Variants in NRXN3 observed in about 807,000 individuals in gnomAD.
The protein encoded by NRXN3 is neurexin III.
A neutral mutation model predicts 137.6 loss-of-function variants in NRXN3; 32 were observed. That is an observed-to-expected ratio of 0.23 (90% CI 0.18 to 0.31). The LOEUF (loss-of-function observed/expected upper bound fraction) is 0.31, where lower values mean the gene tolerates loss of function less well. Ranked by LOEUF, NRXN3 falls within the 10% of genes least tolerant of loss-of-function variation. NRXN3 has a pLI of 1.00. For synonymous variants in NRXN3, 798 were observed against 784.5 expected (o/e 1.02, Z -0.29); for missense variants, 1,574 against 2,062.5 (o/e 0.76, Z 4.59).
At chr14:79,704,230 C>A (rs17109778) in intron 19 of NRXN3, among the ~76,000 whole-genome samples, 1 of 152,090 alleles carries the variant, frequency 6.6e-6, no homozygotes, top group Non-Finnish European at 1.5e-5. Flanking sequence ...CATGGTTCTA[C>A]GATGACACAC....
intron 15 of NRXN3, among the ~76,000 whole-genome samples, chr14:79,180,823 C>A (rs564725843): frequency 6.6e-6 from 1 of 152,042 alleles, no homozygotes; most frequent in Non-Finnish European, 1.5e-5. Flanking sequence ...TGCCTCAGAC[C>A]TAATAATCTT....
intron 20 of NRXN3, among the ~76,000 whole-genome samples, chr14:79,842,106 C>G (rs1193387876): frequency 6.6e-6 from 1 of 152,222 alleles, no homozygotes; most frequent in African/African-American, 2.4e-5. Flanking sequence ...TTTCTTCTTT[C>G]AGCAGTGATC....
At chr14:78,615,967 C>T (rs540951475) in intron 4 of NRXN3, among the ~76,000 whole-genome samples, 4 of 152,182 alleles carry the variant, frequency 2.6e-5, no homozygotes, top group African/African-American at 7.2e-5. Flanking sequence ...CCAAACAAAA[C>T]AAAACAAATC....
intron 15 of NRXN3, among the ~76,000 whole-genome samples, chr14:79,143,330 C>A (rs2058990922): frequency 6.6e-6 from 1 of 152,166 alleles, no homozygotes; most frequent in Admixed American, 6.5e-5. Flanking sequence ...ATGTTGGCTC[C>A]TGTAAGCTTT....
intron 15 of NRXN3, among the ~76,000 whole-genome samples, chr14:79,026,258 C>T (rs2099597854): frequency 6.6e-6 from 1 of 152,112 alleles, no homozygotes; most frequent in East Asian, 1.9e-4. Flanking sequence ...AAATGGAATA[C>T]TGGAGTCAGA....
intron 4 of NRXN3, among the ~76,000 whole-genome samples, chr14:78,498,849 C>A (rs577202018): frequency 6.6e-6 from 1 of 151,846 alleles, no homozygotes; most frequent in African/African-American, 2.4e-5. Context: ...TCACCTTGAA[C>A]TCCTGGGTTC....
chr14:78,776,347 A>G (rs1324619024), intron 8 of NRXN3, among the ~76,000 whole-genome samples: 1 of 152,156 alleles, frequency 6.6e-6, no homozygotes, highest in East Asian at 1.9e-4. Context: ...CTGATTAAAT[A>G]CCTTCTTTGT....
At position 79,643,539 on chromosome 14, in the gene NRXN3, GA is replaced by G. The variant is rs1490259834; in HGVS notation, c.3445-20238del. Among the ~76,000 whole-genome samples, 8 of 135,160 alleles carry G rather than the reference GA, an allele frequency of 5.9e-5. 2 individuals carry two copies. The highest frequency in any genetic ancestry group is 1.2e-4 in the Non-Finnish European group (7 of 58,154). 88.7% of individuals were successfully genotyped at this position (135,160 alleles called of 152,430 possible). A position where few individuals can be genotyped will look rare whatever the true frequency, so the allele number is the denominator to read the frequency against. On this transcript the variant is annotated intron_variant, in intron 16 of 20. Coordinates refer to ENST00000335750, the MANE Select transcript of NRXN3 (RefSeq NM_001330195.2). ...ATGACTTCCTAATACCAACTGAAGA[GA>G]GTTTATATTTCTTAATACAACATTG...
At chr14:79,527,384 G>C (rs1226525297) in intron 16 of NRXN3, among the ~76,000 whole-genome samples, 1 of 151,194 alleles carries the variant, frequency 6.6e-6, no homozygotes, top group Non-Finnish European at 1.5e-5. Context: ...AGGCTTTCTA[G>C]AGGATCCCAA....
At chr14:79,755,329 G>C (rs186720712) in intron 19 of NRXN3, among the ~76,000 whole-genome samples, 44 of 151,832 alleles carry the variant, frequency 2.9e-4, no homozygotes, top group Non-Finnish European at 5.2e-4. Context: ...TGAATCTACG[G>C]TTTATATGAA....
intron 4 of NRXN3, among the ~76,000 whole-genome samples, chr14:78,561,338 G>A (rs1324741974): frequency 6.6e-6 from 1 of 152,218 alleles, no homozygotes; most frequent in Non-Finnish European, 1.5e-5. Context: ...GGAAATGACA[G>A]AGAATATGAA....
intron 20 of NRXN3, among the ~76,000 whole-genome samples, chr14:79,838,763 G>A (rs974528867): frequency 6.6e-6 from 1 of 152,162 alleles, no homozygotes. Flanking sequence ...GGTGGGATTC[G>A]TGTTTCTGAA....
At chr14:78,707,968 G>A (rs921702811) in intron 6 of NRXN3, among the ~76,000 whole-genome samples, 1 of 152,120 alleles carries the variant, frequency 6.6e-6, no homozygotes, top group African/African-American at 2.4e-5. Flanking sequence ...CGTTTGGGTT[G>A]GTTCCACAAT....
chr14:78,802,161 A>G (rs1025467426), intron 8 of NRXN3, among the ~76,000 whole-genome samples: 3 of 152,264 alleles, frequency 2.0e-5, no homozygotes, highest in African/African-American at 7.2e-5. Flanking sequence ...ATATTTAAAC[A>G]AATTCACATG....
chr14:78,998,061 A>G lies in NRXN3; in HGVS notation c.3262+9920A>G, dbSNP rs73317277. Among the ~76,000 whole-genome samples, 1,261 of 152,290 alleles carry G rather than the reference A, an allele frequency of 8.3e-3. 15 individuals carry two copies. Among genetic ancestry groups the G allele is most frequent in the African/African-American group, 0.028 (1,180 of 41,560 alleles). On this transcript the variant is annotated intron_variant, in intron 15 of 20. Coordinates refer to ENST00000335750, the MANE Select transcript of NRXN3 (RefSeq NM_001330195.2). The stretch of plus-strand genomic sequence containing the variant: ...CATGATGCAGAAATTCTCTCCAGGC[A>G]GTAAGCTGGAGCAGTCTTAAATCTC...
intron 17 of NRXN3, among the ~76,000 whole-genome samples, chr14:79,666,639 T>C (rs968987477): frequency 6.6e-6 from 1 of 152,032 alleles, no homozygotes; most frequent in Admixed American, 6.6e-5. Flanking sequence ...CCCCAGAGAA[T>C]TGGGGGATGT....
intron 17 of NRXN3, among the ~76,000 whole-genome samples, chr14:79,689,739 A>G (rs1022016327): frequency 2.6e-5 from 4 of 152,066 alleles, no homozygotes; most frequent in African/African-American, 9.7e-5. Flanking sequence ...TCTAGCCTGT[A>G]TCATGCCCCC....
At chr14:78,994,202 G>T (rs1291545085) in intron 15 of NRXN3, among the ~76,000 whole-genome samples, 1 of 151,990 alleles carries the variant, frequency 6.6e-6, no homozygotes, top group Non-Finnish European at 1.5e-5. Flanking sequence ...TATGGAAGAG[G>T]GCTGGAAAGG....
chr14:79,726,461 T>C (rs966053102), intron 19 of NRXN3, among the ~76,000 whole-genome samples: 1 of 152,146 alleles, frequency 6.6e-6, no homozygotes, highest in Admixed American at 6.6e-5. Flanking sequence ...TTTTGTACTC[T>C]GATCACAATA....
Sources: allele counts gnomAD v4.1 joint callset (sites outside exome capture counted in the v4.1 genomes callset), GRCh38; gene constraint gnomAD v4.1.1; transcripts MANE v1.5; gene names NCBI Gene and HGNC (gene_info 2026-07-23, HGNC 2026-07-21).